Variants in ADCY5 observed in about 807,000 individuals in gnomAD.
ADCY5 encodes adenylate cyclase 5.
A neutral mutation model predicts 119.7 loss-of-function variants in ADCY5; 30 were observed. The ratio of observed to expected loss-of-function variants is 0.25; its 90% CI spans 0.19 to 0.34. The LOEUF (loss-of-function observed/expected upper bound fraction) is 0.34, where lower values mean the gene tolerates loss of function less well. ADCY5 is among the 10% of genes least tolerant of loss of function. ADCY5 has a pLI of 1.00. For missense variants in ADCY5, 1,324 were observed against 1,775.2 expected, an observed-to-expected ratio of 0.75 and a Z score of 4.57; for synonymous variants, 753 against 762.2, an observed-to-expected ratio of 0.99 and a Z score of 0.20.
At chr3:123,427,445 C>CA (rs1329796954) in intron 1 of ADCY5, among the ~76,000 whole-genome samples, 2 of 152,214 alleles carry the variant, frequency 1.3e-5, no homozygotes, top group Admixed American at 1.3e-4. Flanking sequence ...TCCCTGGCCC[C>CA]TGGTTTAGTC....
At chr3:123,341,671 C>A (rs771291261) in intron 3 of ADCY5, among the ~76,000 whole-genome samples, 1 of 151,866 alleles carries the variant, frequency 6.6e-6, no homozygotes, top group African/African-American at 2.4e-5. Flanking sequence ...CTAAAATAAT[C>A]CATTAATTTT....
Position 123,448,169 on chromosome 3 carries a change from C to G in ADCY5, c.377G>C (p.Gly126Ala). The change falls in exon 1 of 21, where the codon GGC (glycine) becomes GCC (alanine). Residue 126 changes from glycine (G) to alanine (A), a missense_variant. Physicochemically the swap from Gly to Ala is moderately conservative, Grantham distance 60. Transcript: ENST00000462833. ...RRQRRGAASG[G>A]STRAPPAGGG... ...GCCCGCAGGGGGCGCCCGGGTGCTG[C>G]CCCCGCTGGCCGCGCCCCGCCGCTG... 1.8e-6 allele frequency: 2 copies of G among 1,138,694 alleles called. No individual in the cohort carries two copies. The highest frequency in any genetic ancestry group is 2.2e-6 in the Non-Finnish European group (2 of 930,184). The allele number at this position is 1,138,694 out of a possible 1,614,324, so 70.5% of individuals were successfully genotyped here. A position where few individuals can be genotyped will look rare whatever the true frequency, so the allele number is the denominator to read the frequency against.
chr3:123,429,609 C>T (rs1945482021), intron 1 of ADCY5, among the ~76,000 whole-genome samples: 2 of 152,140 alleles, frequency 1.3e-5, no homozygotes, highest in African/African-American at 4.8e-5. Flanking sequence ...GCCACATTCA[C>T]AAGTGACAGA....
At chr3:123,332,424 GC>G (rs1941807860) in intron 4 of ADCY5, 139 bp downstream of exon 4, 6 of 657,876 alleles carry the variant, frequency 9.1e-6, no homozygotes, top group Non-Finnish European at 1.6e-5. Flanking sequence ...GGTCCCCTCT[GC>G]CCATCACCAG....
chr3:123,334,613 C>A (rs984173461), intron 3 of ADCY5, among the ~76,000 whole-genome samples: 1 of 152,154 alleles, frequency 6.6e-6, no homozygotes, highest in East Asian at 1.9e-4. Flanking sequence ...TGGCATGCAC[C>A]TGTAATCTCA....
Position 123,352,299 on chromosome 3 carries a change from T to G in ADCY5, c.1284+133A>C. The G allele has an allele frequency of 1.8e-6, 2 of 1,108,160 alleles. No homozygotes were observed. The highest frequency in any genetic ancestry group is 2.5e-6 in the Non-Finnish European group (2 of 808,890). The allele number at this position is 1,108,160 out of a possible 1,614,324, so 68.6% of individuals were successfully genotyped here. A position where few individuals can be genotyped will look rare whatever the true frequency, so the allele number is the denominator to read the frequency against. On this transcript the variant is annotated intron_variant, in intron 2 of 20. Coordinates refer to ENST00000462833, the MANE Select transcript of ADCY5 (RefSeq NM_183357.3). This position sits in a 1 kb window ranked among gnomAD's most constrained non-coding sequence, Gnocchi z 4.8. ...CTCTCTCCAGGGGAAACATTCCCCA[T>G]GGGTTGGTCCCCTCCCGGGGAGTGG... is the stretch of plus-strand genomic sequence containing the variant.
intron 7 of ADCY5, 70 bp from the exon 8 acceptor site, chr3:123,325,532 C>T (rs1941443432): frequency 1.3e-6 from 2 of 1,593,332 alleles, no homozygotes; most frequent in Admixed American, 1.7e-5. Flanking sequence ...CTTCCCCAAA[C>T]ATCGTACCTG....
chr3:123,442,401 G>C (rs1232787863), intron 1 of ADCY5, among the ~76,000 whole-genome samples: 1 of 152,242 alleles, frequency 6.6e-6, no homozygotes, highest in Non-Finnish European at 1.5e-5. Flanking sequence ...GGCCTGGCCC[G>C]AACATGGGCC....
intron 12 of ADCY5, among the ~76,000 whole-genome samples, chr3:123,310,447 G>A (rs567846845): frequency 4.5e-4 from 69 of 152,294 alleles, no homozygotes; most frequent in Non-Finnish European, 2.5e-4. Context: ...CCCTATCCCT[G>A]GAGGTGATCA....
At chr3:123,400,434 A>T (rs192590632) in intron 1 of ADCY5, among the ~76,000 whole-genome samples, 14 of 152,344 alleles carry the variant, frequency 9.2e-5, no homozygotes, top group Non-Finnish European at 1.8e-4. Flanking sequence ...ATCCTAAGGA[A>T]ATAATCCTTA....
intron 1 of ADCY5, among the ~76,000 whole-genome samples, chr3:123,396,256 A>C (rs1944559806): frequency 6.7e-6 from 1 of 148,236 alleles, no homozygotes; most frequent in African/African-American, 2.5e-5. Flanking sequence ...AGAGAGAGGG[A>C]GGGAAGGAAG....
chr3:123,292,234 A>G (rs1476491655), intron 17 of ADCY5, among the ~76,000 whole-genome samples: 1 of 152,342 alleles, frequency 6.6e-6, no homozygotes, highest in East Asian at 1.9e-4. Flanking sequence ...CTCAGCTGCA[A>G]GTAGAATCTC....
At chr3:123,363,087 G>A (rs548556132) in intron 1 of ADCY5, among the ~76,000 whole-genome samples, 134 of 146,060 alleles carry the variant, frequency 9.2e-4, no homozygotes, top group Non-Finnish European at 1.6e-3. Context: ...ATGTTGCAGT[G>A]AGCCGAGATC....
At chr3:123,332,481 G>A in intron 4 of ADCY5, 83 bp downstream of exon 4, 1 of 1,016,944 alleles carries the variant, frequency 9.8e-7, no homozygotes, top group Non-Finnish European at 1.5e-6. Flanking sequence ...CCCATCCCTG[G>A]GGTTCAGCAG....
intron 19 of ADCY5, among the ~76,000 whole-genome samples, chr3:123,288,143 G>A (rs1356755593): frequency 6.6e-6 from 1 of 152,210 alleles, no homozygotes. Context: ...AGCCCACAAA[G>A]CACTGTGCCT....
intron 8 of ADCY5, 66 bp downstream of exon 8, chr3:123,325,256 C>T: frequency 1.9e-6 from 3 of 1,581,504 alleles, no homozygotes; most frequent in South Asian, 2.3e-5. Flanking sequence ...TGGTGCGGGC[C>T]TCATGCCCAC....
chr3:123,396,096 GA>G, intron 1 of ADCY5, among the ~76,000 whole-genome samples: 1 of 125,934 alleles, frequency 7.9e-6, no homozygotes, highest in Non-Finnish European at 1.7e-5. Flanking sequence ...AGGAGGGAGG[GA>G]AGGAAGAAGA....
At chr3:123,285,476 C>T (rs1029129142) in intron 20 of ADCY5, among the ~76,000 whole-genome samples, 4 of 152,196 alleles carry the variant, frequency 2.6e-5, no homozygotes, top group African/African-American at 9.7e-5. Context: ...TAGCCAGTGG[C>T]TCCTGGGATG....
intron 1 of ADCY5, among the ~76,000 whole-genome samples, chr3:123,427,376 C>T (rs1391882561): frequency 6.6e-6 from 1 of 152,212 alleles, no homozygotes; most frequent in South Asian, 2.1e-4. Context: ...CTATACACTT[C>T]CCAACCCAGT....
Sources: gnomAD v4.1 joint callset for allele counts (sites outside exome capture counted in the v4.1 genomes callset) on GRCh38, gnomAD v4.1.1 for gene constraint, Gnocchi (gnomAD v3.1) non-coding constraint, MANE v1.5 for transcripts, NCBI Gene and HGNC (gene_info 2026-07-23, HGNC 2026-07-21) for gene names.